Variants in TRPM3 observed in about 807,000 individuals in gnomAD.
TRPM3 encodes transient receptor potential cation channel subfamily M member 3.
Under a neutral mutation model 181.2 loss-of-function variants are expected in TRPM3, and 77 were observed. The observed-to-expected ratio is 0.42, with a 90% CI of 0.35 to 0.51. The LOEUF is 0.51. Ranked by LOEUF, TRPM3 falls within the 20% of genes least tolerant of loss-of-function variation. The pLI is 0.01. For synonymous variants in TRPM3, 745 were observed against 796.4 expected (o/e 0.94, Z 1.09); for missense variants, 1,759 against 2,196.7 (o/e 0.80, Z 3.98).
At chr9:70,556,409 G>A (rs1029058405) in intron 22 of TRPM3, among the ~76,000 whole-genome samples, 1 of 151,970 alleles carries the variant, frequency 6.6e-6, no homozygotes, top group Non-Finnish European at 1.5e-5. Context: ...TTAGTGGTTA[G>A]GAACATGTAT....
chr9:70,755,505 G>C (rs1411260442), intron 8 of TRPM3, among the ~76,000 whole-genome samples: 1 of 151,816 alleles, frequency 6.6e-6, no homozygotes, highest in African/African-American at 2.4e-5. Context: ...TGAGTAGCTG[G>C]GATTACAGGC....
rs75027534 is a variant in TRPM3 at position 71,243,721 on chromosome 9, C to T, written c.183+202932G>A. Reference sequence around the variant, plus strand: ...CAGCAATGTGCTGTAATCACATTAGCCTAATTAACCTACACTGTCAATGTG... The same window carrying T: ...CAGCAATGTGCTGTAATCACATTAGTCTAATTAACCTACACTGTCAATGTG... On this transcript the variant is annotated intron_variant, in intron 1 of 24. Coordinates refer to the TRPM3 transcript ENST00000357533. 3.0e-4 allele frequency among the ~76,000 whole-genome samples: 46 copies of T among 152,256 alleles called. 1 individual carries two copies. The East Asian group carries it at 8.7e-3, about 29-fold the overall frequency.
At chr9:71,116,776 ACT>A in intron 1 of TRPM3, among the ~76,000 whole-genome samples, 1 of 152,210 alleles carries the variant, frequency 6.6e-6, no homozygotes, top group East Asian at 1.9e-4. Context: ...ACTATGTAAA[ACT>A]CTACATAGTT....
intron 1 of TRPM3, among the ~76,000 whole-genome samples, chr9:70,930,783 ACTG>A (rs1487544464): frequency 6.6e-6 from 1 of 152,206 alleles, no homozygotes; most frequent in African/African-American, 2.4e-5. Flanking sequence ...AGGCAAGAAC[ACTG>A]TTTATTTTAA....
chr9:71,111,015 A>T (rs2070950113), intron 1 of TRPM3, among the ~76,000 whole-genome samples: 1 of 152,180 alleles, frequency 6.6e-6, no homozygotes, highest in South Asian at 2.1e-4. Context: ...ATAATGGTAA[A>T]AATTAAACAT....
At chr9:71,083,213 T>C (rs2064672232) in intron 1 of TRPM3, among the ~76,000 whole-genome samples, 2 of 152,122 alleles carry the variant, frequency 1.3e-5, no homozygotes, top group South Asian at 4.1e-4. Flanking sequence ...GTAATTATTT[T>C]CAGTCTCATA....
intron 1 of TRPM3, among the ~76,000 whole-genome samples, chr9:71,013,362 T>C (rs1237784939): frequency 6.6e-6 from 1 of 152,100 alleles, no homozygotes; most frequent in Non-Finnish European, 1.5e-5. Flanking sequence ...TACAATTACA[T>C]CTATATATGA....
At chr9:71,201,173 C>A (rs10780996) in intron 1 of TRPM3, among the ~76,000 whole-genome samples, 146,596 of 151,080 alleles carry the variant, frequency 0.97, 71,212 homozygotes, top group Non-Finnish European at 0.99. Flanking sequence ...GTTGAAAATT[C>A]TTTTCTTTAA....
At chr9:71,371,391 C>A (rs1588705051) in intron 1 of TRPM3, among the ~76,000 whole-genome samples, 1 of 152,024 alleles carries the variant, frequency 6.6e-6, no homozygotes, top group South Asian at 2.1e-4. Context: ...AATATAGCAA[C>A]CTTAACAAGA....
intron 1 of TRPM3, among the ~76,000 whole-genome samples, chr9:70,963,761 A>G (rs1287418480): frequency 6.6e-6 from 1 of 152,122 alleles, no homozygotes; most frequent in African/African-American, 2.4e-5. Flanking sequence ...AGTCTTTGCC[A>G]AGCTCTGCTA....
intron 18 of TRPM3, among the ~76,000 whole-genome samples, chr9:70,613,581 A>G (rs1003608521): frequency 6.6e-6 from 1 of 152,228 alleles, no homozygotes. Context: ...AGAATTTGCC[A>G]TCAGAGTCAA....
intron 1 of TRPM3, among the ~76,000 whole-genome samples, chr9:71,076,655 AGAAAAGCTGGG>A (rs1291874722): frequency 6.6e-6 from 1 of 152,198 alleles, no homozygotes; most frequent in Non-Finnish European, 1.5e-5. Flanking sequence ...TTGGGAGAGG[AGAAAAGCTGGG>A]GAAAAGCTAA....
intron 1 of TRPM3, among the ~76,000 whole-genome samples, chr9:71,021,433 T>A (rs1358458726): frequency 2.0e-5 from 3 of 152,198 alleles, no homozygotes; most frequent in Non-Finnish European, 4.4e-5. Context: ...AAATGTGACA[T>A]AATTTTGAGC....
At chr9:71,274,845 C>T (rs551832841) in intron 1 of TRPM3, among the ~76,000 whole-genome samples, 64 of 152,278 alleles carry the variant, frequency 4.2e-4, no homozygotes, top group Middle Eastern at 3.4e-3. Context: ...GTTTAACATC[C>T]TCTCCTTCAC....
chr9:70,821,953 G>A (rs1184884927), intron 6 of TRPM3, among the ~76,000 whole-genome samples: 4 of 152,162 alleles, frequency 2.6e-5, no homozygotes, highest in Non-Finnish European at 5.9e-5. Context: ...TGTGCTGCAT[G>A]AGAATTCTAA....
At chr9:71,077,867 TATAAC>T (rs1299777287) in intron 1 of TRPM3, among the ~76,000 whole-genome samples, 1 of 152,036 alleles carries the variant, frequency 6.6e-6, no homozygotes, top group African/African-American at 2.4e-5. Flanking sequence ...TTCAATATGT[TATAAC>T]ATATTAATTC....
chr9:71,113,395 C>T (rs2071575749), intron 1 of TRPM3, among the ~76,000 whole-genome samples: 1 of 152,100 alleles, frequency 6.6e-6, no homozygotes, highest in Non-Finnish European at 1.5e-5. Context: ...GTGATCCTAG[C>T]AGTTGGGAGA....
chr9:71,414,637 A>T (rs1387159414), intron 1 of TRPM3, among the ~76,000 whole-genome samples: 3 of 152,106 alleles, frequency 2.0e-5, no homozygotes, highest in African/African-American at 7.2e-5. Context: ...ATTCTCAGGT[A>T]CATGACATAT....
intron 9 of TRPM3, among the ~76,000 whole-genome samples, chr9:70,657,198 TAAAAAAA>T (rs3073513): frequency 4.7e-4 from 55 of 117,682 alleles, no homozygotes; most frequent in Middle Eastern, 4.7e-3. Flanking sequence ...GGGCTTGAGG[TAAAAAAA>T]AAAAAAAAAA....
Sources: gnomAD v4.1 joint callset for allele counts (sites outside exome capture counted in the v4.1 genomes callset) on GRCh38, gnomAD v4.1.1 for gene constraint, MANE v1.5 for transcripts, NCBI Gene and HGNC (gene_info 2026-07-23, HGNC 2026-07-21) for gene names.